The following CHN2 variants were observed in gnomAD, a reference collection of about 807,000 sequenced individuals.
CHN2 encodes beta-chimaerin.
Under a neutral mutation model 56.3 loss-of-function variants are expected in CHN2, and 35 were observed. That is an observed-to-expected ratio of 0.62 (90% CI 0.47 to 0.82). The LOEUF is 0.82. Ranked by LOEUF, CHN2 falls within the 40% of genes least tolerant of loss-of-function variation. The pLI is 0.00. For missense variants in CHN2, 491 were observed against 580.5 expected (o/e 0.85, Z 1.58); for synonymous variants, 210 against 212.8 (o/e 0.99, Z 0.12).
chr7:29,476,232 A>C (rs1166726629), intron 6 of CHN2, among the ~76,000 whole-genome samples: 2 of 152,092 alleles, frequency 1.3e-5, no homozygotes, highest in Non-Finnish European at 2.9e-5. Context: ...TTAAATCTTA[A>C]ATGAGTCAAA....
intron 1 of CHN2, among the ~76,000 whole-genome samples, chr7:29,351,107 CAAAA>C (rs55787771): frequency 8.6e-5 from 6 of 70,042 alleles, no homozygotes; most frequent in Non-Finnish European, 1.7e-4. Context: ...GACTCCATCT[CAAAA>C]AAAAAAAAAA....
At chr7:29,265,274 C>T (rs1288262401) in intron 1 of CHN2, among the ~76,000 whole-genome samples, 7 of 152,184 alleles carry the variant, frequency 4.6e-5, no homozygotes, top group African/African-American at 1.7e-4. Flanking sequence ...TTCCTCAGCA[C>T]GCTCTTGGTT....
At position 29,430,789 on chromosome 7, in the gene CHN2, CAAA is replaced by C. The variant is rs72339566; in HGVS notation, c.576+29981_576+29983del. Among the ~76,000 whole-genome samples the C allele has an allele frequency of 4.0e-4, 46 of 113,688 alleles. 1 individual carries two copies. The highest frequency in any genetic ancestry group is 1.1e-3 in the African/African-American group (36 of 33,610). 74.6% of individuals were successfully genotyped at this position (113,688 alleles called of 152,430 possible). A position where few individuals can be genotyped will look rare whatever the true frequency, so the allele number is the denominator to read the frequency against. Reference sequence around the variant, plus strand: ...AAGCAGAGGGTAAGAAAGATGATAGCAAAAAAAAAAAAAAAAAAAAAAGGGGAC... The same window carrying C: ...AAGCAGAGGGTAAGAAAGATGATAGCAAAAAAAAAAAAAAAAAAAGGGGAC... On this transcript the variant is annotated intron_variant, in intron 6 of 12. Transcript: ENST00000222792.
chr7:29,490,390 G>A (rs775013168), intron 7 of CHN2, among the ~76,000 whole-genome samples: 5 of 152,052 alleles, frequency 3.3e-5, no homozygotes, highest in African/African-American at 7.2e-5. Flanking sequence ...GATCTCCTAC[G>A]TGTTCTGCTG....
chr7:29,423,665 T>C (rs982172315), intron 6 of CHN2, among the ~76,000 whole-genome samples: 2 of 152,260 alleles, frequency 1.3e-5, no homozygotes, highest in African/African-American at 4.8e-5. Context: ...TTAATTTCCA[T>C]CTCAAGCTTC....
At chr7:29,358,913 C>T (rs1464901329) in intron 2 of CHN2, among the ~76,000 whole-genome samples, 1 of 152,166 alleles carries the variant, frequency 6.6e-6, no homozygotes, top group Non-Finnish European at 1.5e-5. Flanking sequence ...ATGACATTAC[C>T]AAAATCCAGT....
intron 1 of CHN2, among the ~76,000 whole-genome samples, chr7:29,273,981 T>C (rs996690521): frequency 2.0e-5 from 3 of 152,220 alleles, no homozygotes; most frequent in Non-Finnish European, 2.9e-5. Context: ...TGAGAACTGC[T>C]TCCCTAGGTG....
chr7:29,229,352 G>A lies in CHN2; in HGVS notation c.49+34362G>A, dbSNP rs140368683. The stretch of plus-strand genomic sequence containing the variant: ...TAATATTATACACTTGGATTACAAA[G>A]TCTGGATATCACAGCTATAAACATA... On this transcript the variant is annotated intron_variant, in intron 1 of 12. Coordinates refer to ENST00000222792, the MANE Select transcript of CHN2 (RefSeq NM_004067.4). 7.0e-3 allele frequency among the ~76,000 whole-genome samples: 1,066 copies of A among 152,218 alleles called. 10 individuals carry two copies. Among genetic ancestry groups the A allele is most frequent in the Middle Eastern group, 0.014 (4 of 294 alleles).
chr7:29,476,015 G>A (rs542231984), intron 6 of CHN2, among the ~76,000 whole-genome samples: 2 of 152,220 alleles, frequency 1.3e-5, no homozygotes, highest in East Asian at 3.9e-4. Context: ...ATTTTTAAAT[G>A]GTTAAAATGG....
chr7:29,211,316 G>T (rs1010357230), intron 1 of CHN2, among the ~76,000 whole-genome samples: 2 of 151,652 alleles, frequency 1.3e-5, no homozygotes, highest in Non-Finnish European at 2.9e-5. Flanking sequence ...CTGACCTCGT[G>T]ATCCGCCTGC....
chr7:29,400,191 T>C, intron 5 of CHN2: 1 of 295,258 alleles, frequency 3.4e-6, no homozygotes, highest in Middle Eastern at 4.1e-4. Context: ...CATTACCCTC[T>C]GACCCTTACA....
intron 2 of CHN2, among the ~76,000 whole-genome samples, chr7:29,154,659 C>T (rs763401079): frequency 1.3e-5 from 2 of 151,976 alleles, no homozygotes; most frequent in African/African-American, 4.8e-5. Flanking sequence ...CATGGTGAAA[C>T]TTCATCTCTA....
intron 6 of CHN2, chr7:29,401,267 CAA>C (rs1018043797): frequency 1.7e-4 from 22 of 131,680 alleles, no homozygotes; most frequent in Admixed American, 3.1e-4. Context: ...GACTCCGTCT[CAA>C]AAAAAAAAAA....
At chr7:29,184,370 A>G (rs1311706912) in intron 2 of CHN2, 1 of 152,052 alleles carries the variant, frequency 6.6e-6, no homozygotes, top group Non-Finnish European at 1.5e-5. Flanking sequence ...AAAATATATG[A>G]CTGTATGAGA....
At chr7:29,488,944 A>G (rs1788351825) in intron 7 of CHN2, among the ~76,000 whole-genome samples, 1 of 152,238 alleles carries the variant, frequency 6.6e-6, no homozygotes, top group Admixed American at 6.5e-5. Context: ...CATAAACGGT[A>G]CTTTTCCTTC....
intron 6 of CHN2, among the ~76,000 whole-genome samples, chr7:29,441,992 A>G (rs769471543): frequency 1.3e-5 from 2 of 152,234 alleles, no homozygotes; most frequent in East Asian, 3.8e-4. Context: ...TGTTCATAAC[A>G]GAACTACCCA....
chr7:29,211,404 C>G (rs1276572827), intron 1 of CHN2, among the ~76,000 whole-genome samples: 1 of 151,270 alleles, frequency 6.6e-6, no homozygotes, highest in South Asian at 2.1e-4. Flanking sequence ...CAGATCCATT[C>G]TGGCTATTAT....
chr7:29,401,054 G>A, intron 6 of CHN2: 2 of 533,682 alleles, frequency 3.7e-6, no homozygotes, highest in South Asian at 4.3e-5. Context: ...GGATCACGAG[G>A]TCAGGAGATA....
chr7:29,469,113 A>G (rs1785815953), intron 6 of CHN2, among the ~76,000 whole-genome samples: 1 of 152,128 alleles, frequency 6.6e-6, no homozygotes, highest in Non-Finnish European at 1.5e-5. Flanking sequence ...CTCGTGCCCA[A>G]AACTGCACCA....
Sources: gnomAD v4.1 joint callset for allele counts (sites outside exome capture counted in the v4.1 genomes callset) on GRCh38, gnomAD v4.1.1 for gene constraint, MANE v1.5 for transcripts, NCBI Gene and HGNC (gene_info 2026-07-23, HGNC 2026-07-21) for gene names.